TOX3: variants seen among roughly 807,000 people sequenced by gnomAD.
The protein encoded by TOX3 is TOX high mobility group box family member 3, also known as CAG trinucleotide repeat-containing gene F9 protein.
A neutral mutation model predicts 64.3 loss-of-function variants in TOX3; 22 were observed. The observed-to-expected ratio is 0.34, with a 90% CI of 0.24 to 0.49. The LOEUF (loss-of-function observed/expected upper bound fraction) is 0.49, where lower values mean the gene tolerates loss of function less well. TOX3 is among the 20% of genes least tolerant of loss of function. The pLI, the probability that TOX3 is intolerant of heterozygous loss-of-function variation, is 0.99. For missense variants in TOX3, 661 were observed against 714.4 expected, an observed-to-expected ratio of 0.93 and a Z score of 0.85; for synonymous variants, 291 against 273.6, an observed-to-expected ratio of 1.06 and a Z score of -0.63.
intron 6 of TOX3, among the ~76,000 whole-genome samples, chr16:52,443,012 C>A (rs955878363): frequency 6.6e-6 from 1 of 152,144 alleles, no homozygotes; most frequent in Non-Finnish European, 1.5e-5. Flanking sequence ...TTTTGAGATA[C>A]CGGATCTTGG....
chr16:52,509,835 A>G (rs916882482), intron 1 of TOX3, among the ~76,000 whole-genome samples: 4 of 152,228 alleles, frequency 2.6e-5, no homozygotes, highest in Non-Finnish European at 2.9e-5. Flanking sequence ...TGATATTAGT[A>G]GTTTCATTAA....
intron 1 of TOX3, among the ~76,000 whole-genome samples, chr16:52,518,804 G>A (rs984185681): frequency 3.9e-5 from 6 of 152,226 alleles, no homozygotes; most frequent in Non-Finnish European, 7.3e-5. Flanking sequence ...AGTTTTCACA[G>A]ATTACAAGCC....
At chr16:52,511,540 A>G (rs1207880448) in intron 1 of TOX3, among the ~76,000 whole-genome samples, 1 of 152,218 alleles carries the variant, frequency 6.6e-6, no homozygotes, top group Non-Finnish European at 1.5e-5. Flanking sequence ...CATTTGTATC[A>G]TAATACCAAA....
rs1961151192 is a variant in TOX3, at chr16:52,474,541, C to T, written c.88-5967G>A. The stretch of plus-strand genomic sequence containing the variant: ...CTGAGATGGGAGGATTGCTTGAGCC[C>T]AGGAGTTTGAGGCTGCAATAAGCTA... On this transcript the variant is annotated intron_variant, in intron 1 of 6. Transcript: ENST00000219746. Among the ~76,000 whole-genome samples the T allele has an allele frequency of 2.0e-5, 3 of 151,626 alleles. No individual in the cohort carries two copies. In the South Asian group the frequency reaches 6.3e-4, roughly 32 times the overall value.
chr16:52,519,682 G>C, intron 1 of TOX3: 1 of 1,126,512 alleles, frequency 8.9e-7, no homozygotes, highest in South Asian at 2.1e-5. Flanking sequence ...AATGGGCTGG[G>C]CGCAGTCGCT....
intron 4 of TOX3, among the ~76,000 whole-genome samples, chr16:52,448,522 CTG>C (rs1327227480): frequency 3.9e-5 from 6 of 152,292 alleles, no homozygotes; most frequent in African/African-American, 9.6e-5. Flanking sequence ...AGTTCTGTGA[CTG>C]TGAGAAGACT....
chr16:52,497,848 A>G (rs1169038005), intron 1 of TOX3, among the ~76,000 whole-genome samples: 3 of 152,182 alleles, frequency 2.0e-5, no homozygotes, highest in Admixed American at 2.0e-4. Flanking sequence ...ACTTTTCATA[A>G]CAAGGTATTT....
chr16:52,484,854 A>G (rs747595606), intron 1 of TOX3, among the ~76,000 whole-genome samples: 1 of 152,124 alleles, frequency 6.6e-6, no homozygotes, highest in Non-Finnish European at 1.5e-5. Flanking sequence ...AGAACTAAAA[A>G]TAGAGCTACC....
At chr16:52,480,725 A>G (rs1190538284) in intron 1 of TOX3, among the ~76,000 whole-genome samples, 1 of 152,228 alleles carries the variant, frequency 6.6e-6, no homozygotes, top group African/African-American at 2.4e-5. Context: ...ATGACTTCCT[A>G]TACTATCTTC....
At chr16:52,517,757 A>G (rs1962495898) in intron 1 of TOX3, among the ~76,000 whole-genome samples, 1 of 152,164 alleles carries the variant, frequency 6.6e-6, no homozygotes. Context: ...ATGGAGGAAA[A>G]CACCAAATTA....
At chr16:52,444,124 G>A (rs1960088787) in intron 6 of TOX3, among the ~76,000 whole-genome samples, 152 bp downstream of exon 6, 1 of 152,028 alleles carries the variant, frequency 6.6e-6, no homozygotes, top group South Asian at 2.1e-4. Context: ...TCATCACTTG[G>A]GTAATCTCTA....
At chr16:52,513,803 A>T (rs183909468) in intron 1 of TOX3, among the ~76,000 whole-genome samples, 6 of 152,348 alleles carry the variant, frequency 3.9e-5, no homozygotes, top group African/African-American at 1.4e-4. Flanking sequence ...TTGTGAATTT[A>T]AAACTGTAGA....
intron 4 of TOX3, among the ~76,000 whole-genome samples, chr16:52,447,132 A>C (rs1220259809): frequency 6.6e-6 from 1 of 152,190 alleles, no homozygotes; most frequent in African/African-American, 2.4e-5. Context: ...ACCACCATCT[A>C]AGTTCACTGA....
rs1427077595 is a variant in TOX3 at position 52,472,466 on chromosome 16, A to T, written c.88-3892T>A. On this transcript the variant is annotated intron_variant, in intron 1 of 6. Transcript: ENST00000219746. ...AGGAAAGCTAATATCCTAATTTTAC[A>T]CCATGGTAAAATGTATTTGTTTTAT... Among the ~76,000 whole-genome samples, 4 of 152,262 alleles carry T rather than the reference A, an allele frequency of 2.6e-5. No individual in the cohort carries two copies. The East Asian group carries it at 7.7e-4, about 29-fold the overall frequency.
Position 52,546,756 on chromosome 16 carries a change from CTG to C in TOX3, c.-35_-34del. On this transcript the variant is annotated 5_prime_UTR_variant, in exon 1 of 7. Transcript: ENST00000219746. ...CTGGGCCCGGGGCCGGGGGCCGGGA[CTG>C]GGGTTCGCCGGGGCCGGGACCCGCC... 1 of 1,480,278 alleles carries C rather than the reference CTG, an allele frequency of 6.8e-7. No homozygotes were observed. Among genetic ancestry groups the C allele is most frequent in the Non-Finnish European group, 8.9e-7 (1 of 1,118,318 alleles). 91.7% of individuals were successfully genotyped at this position (1,480,278 alleles called of 1,614,324 possible).
At chr16:52,465,470 GT>G (rs34739813) in intron 2 of TOX3, among the ~76,000 whole-genome samples, 15,674 of 103,944 alleles carry the variant, frequency 0.15, 774 homozygotes, top group Middle Eastern at 0.23. Context: ...TTTCTTTTTG[GT>G]TTTTTTTTTT....
chr16:52,485,271 T>TATATAC (rs1438971784), intron 1 of TOX3, among the ~76,000 whole-genome samples: 33 of 145,566 alleles, frequency 2.3e-4, no homozygotes, highest in African/African-American at 8.0e-4. Flanking sequence ...TATATATATA[T>TATATAC]ACATATCTCC....
At chr16:52,536,643 A>G (rs1962951468) in intron 1 of TOX3, among the ~76,000 whole-genome samples, 1 of 102,360 alleles carries the variant, frequency 9.8e-6, no homozygotes, top group Non-Finnish European at 1.9e-5. Context: ...ATATATATAT[A>G]TATATATATA....
chr16:52,444,350 TA>T lies in TOX3; in HGVS notation c.912del (p.Tyr304Ter). The T allele has an allele frequency of 6.3e-7, 1 of 1,574,826 alleles. No individual in the cohort carries two copies. The highest frequency in any genetic ancestry group is 2.3e-5 in the East Asian group (1 of 43,450). On this transcript the variant is annotated frameshift_variant, in exon 6 of 7. Coordinates refer to ENST00000219746, the MANE Select transcript of TOX3 (RefSeq NM_001080430.4). LOFTEE classifies it high-confidence loss of function. ...DSLGEEQKQV[Y>X]KRKTEAAKKE... ...TTTTTGGCAGCTTCTGTTTTCCTTT[TA>T]TATACCTATTAAAAGACCACAATTA...
Sources: gnomAD v4.1 joint callset for allele counts (sites outside exome capture counted in the v4.1 genomes callset) on GRCh38, gnomAD v4.1.1 for gene constraint, MANE v1.5 for transcripts, NCBI Gene and HGNC (gene_info 2026-07-23, HGNC 2026-07-21) for gene names.